The following CDH18 variants were observed in gnomAD, a reference collection of about 807,000 sequenced individuals.
The protein encoded by CDH18 is cadherin 18.
Under a neutral mutation model 67.9 loss-of-function variants are expected in CDH18, and 31 were observed. The observed-to-expected ratio is 0.46, with a 90% CI of 0.34 to 0.62. CDH18 has a LOEUF of 0.62. Among genes scored for constraint, CDH18 ranks in the 20% least tolerant of loss-of-function variants. The pLI is 0.01. For missense variants in CDH18, 890 were observed against 975.5 expected, an observed-to-expected ratio of 0.91 and a Z score of 1.17; for synonymous variants, 362 against 347.2, an observed-to-expected ratio of 1.04 and a Z score of -0.48.
At chr5:20,358,176 G>A (rs13166305) in intron 1 of CDH18, among the ~76,000 whole-genome samples, 47,566 of 151,974 alleles carry the variant, frequency 0.31, 8,086 homozygotes, top group East Asian at 0.43. Flanking sequence ...GGAGGGGCGC[G>A]AAGGCTGAAG....
intron 1 of CDH18, among the ~76,000 whole-genome samples, chr5:20,345,423 G>C (rs899364345): frequency 5.9e-5 from 9 of 152,114 alleles, no homozygotes; most frequent in Non-Finnish European, 7.4e-5. Context: ...TTCACAACGT[G>C]AAACAGCTTT....
At chr5:19,739,445 G>A (rs1310895080) in intron 4 of CDH18, among the ~76,000 whole-genome samples, 1 of 152,148 alleles carries the variant, frequency 6.6e-6, no homozygotes, top group Non-Finnish European at 1.5e-5. Flanking sequence ...CACCACTGCA[G>A]GTGAGGGAGG....
At chr5:19,551,237 G>A (rs1335718619) in intron 8 of CDH18, among the ~76,000 whole-genome samples, 2 of 152,064 alleles carry the variant, frequency 1.3e-5, no homozygotes, top group Non-Finnish European at 2.9e-5. Context: ...AGATATCAGA[G>A]GTAGTAACCT....
chr5:19,667,476 A>T (rs1032017779), intron 5 of CDH18, among the ~76,000 whole-genome samples: 17 of 142,794 alleles, frequency 1.2e-4, no homozygotes, highest in Non-Finnish European at 2.1e-4. Context: ...TTATAATCAC[A>T]ATGAATATAT....
At chr5:19,979,810 G>A (rs1798856872) in intron 2 of CDH18, among the ~76,000 whole-genome samples, 1 of 151,954 alleles carries the variant, frequency 6.6e-6, no homozygotes, top group Non-Finnish European at 1.5e-5. Context: ...GATTCACATT[G>A]ATGTAATAAA....
intron 5 of CDH18, among the ~76,000 whole-genome samples, chr5:19,616,317 C>G (rs986160012): frequency 6.6e-6 from 1 of 151,814 alleles, no homozygotes; most frequent in Non-Finnish European, 1.5e-5. Flanking sequence ...GATTCCCCCC[C>G]ACCCAAATTT....
intron 2 of CDH18, among the ~76,000 whole-genome samples, chr5:20,125,100 G>T (rs987239780): frequency 3.9e-5 from 6 of 152,112 alleles, no homozygotes; most frequent in African/African-American, 1.4e-4. Context: ...GACCAAGTAT[G>T]GAAATAAAAG....
intron 1 of CDH18, among the ~76,000 whole-genome samples, chr5:20,503,797 G>A (rs1754482062): frequency 6.6e-6 from 1 of 152,092 alleles, no homozygotes; most frequent in Admixed American, 6.5e-5. Flanking sequence ...CATCATTTTG[G>A]GAGGCTGAGG....
chr5:20,280,207 TG>T (rs1428492923), intron 1 of CDH18, among the ~76,000 whole-genome samples: 5 of 152,062 alleles, frequency 3.3e-5, no homozygotes, highest in Admixed American at 1.3e-4. Flanking sequence ...ATTTTTTTTC[TG>T]GATTCTTTTT....
At chr5:19,493,891 AT>A (rs1741873928) in intron 11 of CDH18, among the ~76,000 whole-genome samples, 1 of 152,114 alleles carries the variant, frequency 6.6e-6, no homozygotes, top group South Asian at 2.1e-4. Flanking sequence ...TGCCAAATGA[AT>A]TTTATTATAA....
intron 1 of CDH18, among the ~76,000 whole-genome samples, chr5:20,446,466 T>C (rs1222337667): frequency 2.6e-5 from 4 of 152,092 alleles, no homozygotes; most frequent in Non-Finnish European, 5.9e-5. Context: ...TCAGAGGAGC[T>C]TGAAAAAAGT....
intron 9 of CDH18, among the ~76,000 whole-genome samples, chr5:19,536,361 G>A (rs191959618): frequency 3.3e-3 from 496 of 152,292 alleles, no homozygotes; most frequent in Non-Finnish European, 6.1e-3. Flanking sequence ...AGAGCAAAAT[G>A]AAAACAGGTC....
chr5:19,876,810 G>A (rs1015616775), intron 2 of CDH18, among the ~76,000 whole-genome samples: 4 of 152,044 alleles, frequency 2.6e-5, no homozygotes, highest in Non-Finnish European at 5.9e-5. Flanking sequence ...CCAATGCTCC[G>A]GTTTTCCTGG....
At chr5:19,591,311 TA>T (rs2150026801) in intron 6 of CDH18, 67 bp from the exon 7 acceptor site, 1 of 1,163,604 alleles carries the variant, frequency 8.6e-7, no homozygotes. Flanking sequence ...CAAGAAAAAA[TA>T]AATATTTAGA....
At chr5:20,417,146 T>C (rs1747380754) in intron 1 of CDH18, among the ~76,000 whole-genome samples, 1 of 152,156 alleles carries the variant, frequency 6.6e-6, no homozygotes, top group South Asian at 2.1e-4. Flanking sequence ...TAATGAATCA[T>C]TTTTGTTAGA....
intron 2 of CDH18, among the ~76,000 whole-genome samples, chr5:20,121,680 T>A (rs1039085524): frequency 5.9e-5 from 9 of 152,284 alleles, no homozygotes; most frequent in Admixed American, 3.3e-4. Context: ...AGGCTAATAT[T>A]TCACTCCTGC....
intron 1 of CDH18, among the ~76,000 whole-genome samples, chr5:20,351,160 T>TTGTGTGTGTGTGTG (rs375375615): frequency 0.018 from 2,345 of 132,102 alleles, 70 homozygotes; most frequent in African/African-American, 0.058. Context: ...GTAAATGTAT[T>TTGTGTGTGTGTGTG]TGTGTGTGTG....
At position 20,510,407 on chromosome 5, in the gene CDH18, A is replaced by G. The variant is rs536025441; in HGVS notation, c.-580+65055T>C. ...TTGCTATGCAGAAACATTTTAGTTTATGTAACCTCATTTGACTGTCATTAC... is the reference window on the plus strand; with the variant it reads ...TTGCTATGCAGAAACATTTTAGTTTGTGTAACCTCATTTGACTGTCATTAC... On this transcript the variant is annotated intron_variant, in intron 1 of 14. Coordinates refer to the CDH18 transcript ENST00000507958. Among the ~76,000 whole-genome samples the G allele has an allele frequency of 3.3e-5, 5 of 152,282 alleles. No individual in the cohort carries two copies. In the East Asian group the frequency reaches 9.7e-4, roughly 29 times the overall value.
At chr5:19,960,213 G>A (rs947893586) in intron 2 of CDH18, among the ~76,000 whole-genome samples, 1 of 151,904 alleles carries the variant, frequency 6.6e-6, no homozygotes, top group Non-Finnish European at 1.5e-5. Context: ...ATTTTAAAAC[G>A]TTTGAGTGTT....
Sources: gnomAD v4.1 joint callset for allele counts (sites outside exome capture counted in the v4.1 genomes callset) on GRCh38, gnomAD v4.1.1 for gene constraint, MANE v1.5 for transcripts, NCBI Gene and HGNC (gene_info 2026-07-23, HGNC 2026-07-21) for gene names.